PTPRD: variants seen among roughly 807,000 people sequenced by gnomAD.
The protein encoded by PTPRD is protein tyrosine phosphatase receptor type D.
In PTPRD, 34 loss-of-function variants were observed where a neutral mutation model predicts 214.5. The ratio of observed to expected loss-of-function variants is 0.16; its 90% confidence interval spans 0.12 to 0.21. The LOEUF is 0.21. PTPRD is among the 10% of genes least tolerant of loss of function. The pLI is 1.00. For missense variants in PTPRD, 2,545 were observed against 2,398.7 expected, an observed-to-expected ratio of 1.06 and a Z score of -1.27; for synonymous variants, 1,128 against 845.7, an observed-to-expected ratio of 1.33 and a Z score of -5.79.
intron 12 of PTPRD, among the ~76,000 whole-genome samples, chr9:8,662,303 A>AAAACAAAC (rs147033335): frequency 1.0e-3 from 154 of 152,056 alleles, no homozygotes; most frequent in Middle Eastern, 6.8e-3. Flanking sequence ...GCTATGTTGG[A>AAAACAAAC]AAACAAACAA....
At chr9:9,905,345 G>A (rs2077303284) in intron 5 of PTPRD, among the ~76,000 whole-genome samples, 1 of 151,696 alleles carries the variant, frequency 6.6e-6, no homozygotes, top group Non-Finnish European at 1.5e-5. Context: ...TAGCTCAATT[G>A]TTGTTATTGA....
intron 10 of PTPRD, among the ~76,000 whole-genome samples, chr9:9,117,863 T>C (rs936147996): frequency 6.6e-6 from 1 of 151,940 alleles, no homozygotes; most frequent in East Asian, 1.9e-4. Flanking sequence ...GAATGTATGG[T>C]AGAGGCAAAG....
chr9:9,302,602 T>TTTC (rs1955789309), intron 9 of PTPRD, among the ~76,000 whole-genome samples: 1 of 5,128 alleles, frequency 2.0e-4, no homozygotes, highest in African/African-American at 7.1e-4. Context: ...TTTTTTTTTC[T>TTTC]TTTTTTTTTT....
chr9:10,163,229 G>A (rs1031481548), intron 3 of PTPRD, among the ~76,000 whole-genome samples: 22 of 147,894 alleles, frequency 1.5e-4, no homozygotes, highest in African/African-American at 5.6e-4. Context: ...AATTTCTCAT[G>A]GAGGCCAGTT....
At chr9:9,890,810 T>G (rs1271608457) in intron 5 of PTPRD, among the ~76,000 whole-genome samples, 1 of 152,104 alleles carries the variant, frequency 6.6e-6, no homozygotes, top group Non-Finnish European at 1.5e-5. Flanking sequence ...AAATATACTA[T>G]GTCTCCAATG....
chr9:9,061,773 G>T (rs546728916), intron 10 of PTPRD, among the ~76,000 whole-genome samples: 1 of 152,144 alleles, frequency 6.6e-6, no homozygotes, highest in Admixed American at 6.6e-5. Flanking sequence ...AGTGGCACTA[G>T]CAGGTTTGCC....
chr9:10,122,050 G>C (rs1006523442), intron 3 of PTPRD, among the ~76,000 whole-genome samples: 1 of 152,202 alleles, frequency 6.6e-6, no homozygotes, highest in African/African-American at 2.4e-5. Flanking sequence ...GCTCACGCCT[G>C]TAATCCCAGC....
chr9:9,873,923 C>A (rs115812988), intron 5 of PTPRD, among the ~76,000 whole-genome samples: 1 of 151,754 alleles, frequency 6.6e-6, no homozygotes, highest in African/African-American at 2.4e-5. Context: ...CAATAGCTGA[C>A]GTGTATTGAA....
chr9:9,238,874 T>A (rs1350202620), intron 9 of PTPRD, among the ~76,000 whole-genome samples: 2 of 152,172 alleles, frequency 1.3e-5, no homozygotes, highest in Non-Finnish European at 2.9e-5. Context: ...TTCAGCCCCT[T>A]ATTTTGAATA....
At chr9:8,709,110 G>A (rs2098272004) in intron 12 of PTPRD, among the ~76,000 whole-genome samples, 1 of 151,908 alleles carries the variant, frequency 6.6e-6, no homozygotes, top group African/African-American at 2.4e-5. Flanking sequence ...GTTGGGAGGG[G>A]TTGGGGAGAT....
intron 8 of PTPRD, among the ~76,000 whole-genome samples, chr9:9,507,780 ATCTGTTT>A (rs2096604843): frequency 6.6e-6 from 1 of 151,454 alleles, no homozygotes; most frequent in Non-Finnish European, 1.5e-5. Flanking sequence ...GCAGATAAAA[ATCTGTTT>A]ATAAAGATGA....
intron 11 of PTPRD, among the ~76,000 whole-genome samples, chr9:8,983,893 A>C (rs2099326853): frequency 6.6e-6 from 1 of 152,076 alleles, no homozygotes; most frequent in South Asian, 2.1e-4. Context: ...TGTGAAAAAG[A>C]GGTTCAAAGA....
intron 11 of PTPRD, among the ~76,000 whole-genome samples, chr9:8,751,805 C>A (rs1444586441): frequency 6.6e-6 from 1 of 152,146 alleles, no homozygotes; most frequent in Non-Finnish European, 1.5e-5. Context: ...CAGTATTTAA[C>A]CCTCTGTCTT....
rs924831316 is a variant in PTPRD, at chr9:10,143,349, C to G, written c.-544-109559G>C. ...TAATCAGAGAAATGCAAATCAAAAC[C>G]ACAATGAGATATCATCTTACACCAG... is the stretch of plus-strand genomic sequence containing the variant. On this transcript the variant is annotated intron_variant, in intron 3 of 45. Transcript: ENST00000381196. Among the ~76,000 whole-genome samples, 142 of 151,678 alleles carry G rather than the reference C, an allele frequency of 9.4e-4. 1 individual carries two copies. Among genetic ancestry groups the G allele is most frequent in the African/African-American group, 3.3e-3 (136 of 41,366 alleles).
intron 10 of PTPRD, among the ~76,000 whole-genome samples, chr9:9,092,521 A>G (rs1354400990): frequency 2.0e-5 from 3 of 152,086 alleles, no homozygotes; most frequent in Non-Finnish European, 4.4e-5. Context: ...GATGTGATTT[A>G]CAAATTAAGT....
chr9:9,279,367 T>G (rs1453316734), intron 9 of PTPRD, among the ~76,000 whole-genome samples: 1 of 147,558 alleles, frequency 6.8e-6, no homozygotes, highest in Non-Finnish European at 1.5e-5. Flanking sequence ...TATCTAAATA[T>G]ATCACTGCTG....
At chr9:10,114,394 T>A (rs1488738125) in intron 3 of PTPRD, among the ~76,000 whole-genome samples, 2 of 152,072 alleles carry the variant, frequency 1.3e-5, no homozygotes, top group Non-Finnish European at 2.9e-5. Context: ...ATAAAGGCAA[T>A]TTACAAAATC....
At chr9:9,715,653 A>T (rs1165314697) in intron 7 of PTPRD, among the ~76,000 whole-genome samples, 3 of 152,178 alleles carry the variant, frequency 2.0e-5, no homozygotes, top group African/African-American at 7.2e-5. Flanking sequence ...CTTCATCTGG[A>T]TGGAGAAAAT....
At chr9:8,746,480 T>A (rs1290578183) in intron 11 of PTPRD, among the ~76,000 whole-genome samples, 4 of 152,232 alleles carry the variant, frequency 2.6e-5, no homozygotes, top group Non-Finnish European at 4.4e-5. Flanking sequence ...CTGGAAAGAC[T>A]TTTTAAAGTA....
Sources: gnomAD v4.1 joint callset for allele counts (sites outside exome capture counted in the v4.1 genomes callset) on GRCh38, gnomAD v4.1.1 for gene constraint, MANE v1.5 for transcripts, NCBI Gene and HGNC (gene_info 2026-07-23, HGNC 2026-07-21) for gene names.